The following GABRB3 variants were observed in gnomAD, a reference collection of about 807,000 sequenced individuals.
GABRB3 encodes the protein gamma-aminobutyric acid receptor subunit beta-3.
A neutral mutation model predicts 52.1 loss-of-function variants in GABRB3; 14 were observed. The ratio of observed to expected loss-of-function variants is 0.27; its 90% CI spans 0.18 to 0.42. GABRB3 has a LOEUF of 0.42. Ranked by LOEUF, GABRB3 falls within the 10% of genes least tolerant of loss-of-function variation. GABRB3 has a pLI of 1.00. For synonymous variants in GABRB3, 260 were observed against 232.3 expected (o/e 1.12, Z -1.08); for missense variants, 307 against 609.1 (o/e 0.50, Z 5.22).
rs540470284 is a variant in GABRB3 at position 26,564,162 on chromosome 15, T to C, written c.836-2986A>G. ...TGGAGCATTTCAGATTTTGGATTTT[T>C]GGATTAGGGATGCTCAAACTAAGTA... On this transcript the variant is annotated intron_variant, in intron 7 of 8. Coordinates refer to ENST00000311550, the MANE Select transcript of GABRB3 (RefSeq NM_000814.6). 4.1e-3 allele frequency among the ~76,000 whole-genome samples: 618 copies of C among 152,196 alleles called. 2 individuals are homozygous for C. Among genetic ancestry groups the C allele is most frequent in the Non-Finnish European group, 6.8e-3 (462 of 68,014 alleles).
rs1211980040 is a variant in GABRB3, at chr15:26,763,932, G to C, written c.240+8470C>G. On this transcript the variant is annotated intron_variant, in intron 3 of 8. Coordinates refer to ENST00000311550, the MANE Select transcript of GABRB3 (RefSeq NM_000814.6). ...AGGCCGAGGCGGGTGGATCACCTGA[G>C]GTTAGGAGTTCAAGACCAGCCTGGC... Among the ~76,000 whole-genome samples the C allele has an allele frequency of 4.6e-5, 7 of 151,582 alleles. No individual in the cohort carries two copies. The South Asian group carries it at 1.0e-3, about 23-fold the overall frequency.
chr15:26,755,016 TTTTTTTGAGACGGAG>T (rs1282887766), intron 3 of GABRB3, among the ~76,000 whole-genome samples: 2 of 151,216 alleles, frequency 1.3e-5, no homozygotes, highest in Admixed American at 6.6e-5. Flanking sequence ...TTTTTTTTTT[TTTTTTTGAGACGGAG>T]TCTCGCTCTG....
chr15:26,763,472 T>C (rs2140186163), intron 3 of GABRB3, among the ~76,000 whole-genome samples: 1 of 152,326 alleles, frequency 6.6e-6, no homozygotes, highest in Admixed American at 6.5e-5. Flanking sequence ...CATTCTAGTA[T>C]ACTTTTGGCC....
intron 3 of GABRB3, among the ~76,000 whole-genome samples, chr15:26,648,422 G>A (rs1887080832): frequency 6.6e-6 from 1 of 152,246 alleles, no homozygotes; most frequent in South Asian, 2.1e-4. Flanking sequence ...CAATCACTGT[G>A]CATGTGGAAG....
chr15:26,629,259 G>A (rs1892838598), intron 3 of GABRB3: 6 of 1,211,320 alleles, frequency 5.0e-6, no homozygotes, highest in South Asian at 3.2e-5. Context: ...GGCCCCGAGA[G>A]GGAGGAGGCG....
At chr15:26,549,853 C>A (rs1289256219) in intron 8 of GABRB3, among the ~76,000 whole-genome samples, 2 of 151,952 alleles carry the variant, frequency 1.3e-5, no homozygotes, top group Non-Finnish European at 2.9e-5. Context: ...AACCCCAGTT[C>A]CAGGAAAGAG....
At chr15:26,688,254 C>T (rs1180287649) in intron 3 of GABRB3, among the ~76,000 whole-genome samples, 2 of 152,170 alleles carry the variant, frequency 1.3e-5, no homozygotes, top group African/African-American at 2.4e-5. Flanking sequence ...GGAACATCAG[C>T]CCCGTGATCA....
intron 4 of GABRB3, among the ~76,000 whole-genome samples, chr15:26,602,367 A>G (rs1891620803): frequency 6.6e-6 from 1 of 152,190 alleles, no homozygotes; most frequent in African/African-American, 2.4e-5. Flanking sequence ...TAGAAGATCA[A>G]CAAAGAAACA....
chr15:26,691,843 T>G (rs1408837209), intron 3 of GABRB3, among the ~76,000 whole-genome samples: 1 of 152,202 alleles, frequency 6.6e-6, no homozygotes, highest in Non-Finnish European at 1.5e-5. Context: ...CCATTCCTTA[T>G]GTGCAGCTCA....
At chr15:26,554,083 G>GTATATA in intron 8 of GABRB3, among the ~76,000 whole-genome samples, 1 of 96,494 alleles carries the variant, frequency 1.0e-5, no homozygotes, top group East Asian at 2.3e-4. Flanking sequence ...TATATATAAA[G>GTATATA]TGTATATATG....
chr15:26,612,463 C>A (rs1253634492), intron 4 of GABRB3: 1 of 152,052 alleles, frequency 6.6e-6, no homozygotes, highest in Non-Finnish European at 1.5e-5. Flanking sequence ...CCGGGGAAAG[C>A]CAGCTAGAAA....
intron 3 of GABRB3, among the ~76,000 whole-genome samples, chr15:26,728,762 G>A (rs1332896680): frequency 2.0e-5 from 3 of 152,148 alleles, no homozygotes; most frequent in South Asian, 2.1e-4. Flanking sequence ...GTTGTTACCT[G>A]TATGTTATTT....
chr15:26,642,043 C>A (rs908484474), intron 3 of GABRB3, among the ~76,000 whole-genome samples: 2 of 152,086 alleles, frequency 1.3e-5, no homozygotes, highest in Non-Finnish European at 2.9e-5. Flanking sequence ...GCCCTCACCT[C>A]TGTGCCCAGT....
chr15:26,616,191 G>C (rs1892250719), intron 4 of GABRB3: 1 of 727,682 alleles, frequency 1.4e-6, no homozygotes, highest in Non-Finnish European at 2.1e-6. Flanking sequence ...GGGCCAAGGA[G>C]AGGATGGAGG....
intron 3 of GABRB3, among the ~76,000 whole-genome samples, chr15:26,639,467 G>A (rs999998398): frequency 6.6e-6 from 1 of 151,976 alleles, no homozygotes; most frequent in Non-Finnish European, 1.5e-5. Flanking sequence ...GGAATTATGA[G>A]AATAGAGATG....
At chr15:26,771,024 T>A (rs968633260) in intron 3 of GABRB3, among the ~76,000 whole-genome samples, 3 of 152,182 alleles carry the variant, frequency 2.0e-5, no homozygotes, top group African/African-American at 7.2e-5. Flanking sequence ...AAAAAGTACA[T>A]TTTTAAATAC....
At chr15:26,773,611 G>C (rs199759564), upstream of GABRB3, 16 of 1,524,310 alleles carry the variant, frequency 1.0e-5, no homozygotes, top group Admixed American at 2.0e-5. Context: ...CCTCCCGACG[G>C]TGCCTGCAGA....
At chr15:26,758,009 T>C (rs1355074734) in intron 3 of GABRB3, among the ~76,000 whole-genome samples, 1 of 152,194 alleles carries the variant, frequency 6.6e-6, no homozygotes, top group Admixed American at 6.5e-5. Context: ...AATTCTAACA[T>C]GTTTTGTTTT....
intron 3 of GABRB3, among the ~76,000 whole-genome samples, chr15:26,732,575 T>C (rs1015939728): frequency 7.9e-5 from 12 of 152,084 alleles, no homozygotes; most frequent in African/African-American, 2.9e-4. Flanking sequence ...AAAAAAATTT[T>C]TTTTTTTTTT....
Sources: gnomAD v4.1 joint callset for allele counts (sites outside exome capture counted in the v4.1 genomes callset) on GRCh38, gnomAD v4.1.1 for gene constraint, MANE v1.5 for transcripts, NCBI Gene and HGNC (gene_info 2026-07-23, HGNC 2026-07-21) for gene names.